ZNF534: variants seen among roughly 807,000 people sequenced by gnomAD.
ZNF534 encodes KRAB domain only 3.
Under a neutral mutation model 13.6 loss-of-function variants are expected in ZNF534, and 19 were observed. That is an observed-to-expected ratio of 1.40 (90% CI 0.97 to 2.05). ZNF534 has a LOEUF of 2.05. Ranked by LOEUF, ZNF534 falls within the 30% of genes most tolerant of loss-of-function variation. ZNF534 has a pLI of 0.00. For missense variants in ZNF534, 782 were observed against 796.3 expected, an observed-to-expected ratio of 0.98 and a Z score of 0.22; for synonymous variants, 244 against 273.8, an observed-to-expected ratio of 0.89 and a Z score of 1.07.
At position 52,437,961 on chromosome 19, in the gene ZNF534, T is replaced by C. The variant is rs764647757; in HGVS notation, c.501T>C (p.Phe167=). Residue 167 remains phenylalanine (F), a synonymous_variant, in exon 5 of 5, where the codon TTT becomes TTC. Transcript: ENST00000433050. ...THIFNNYRND[F]LFSTLLPQEQ... is the part of the protein sequence containing the mutation. ...TTTTTAATAACTACAGAAATGATTT[T>C]CTTTTTTCTACATTACTCCCACAAG... is the stretch of plus-strand genomic sequence containing the variant. 5 of 1,613,700 alleles carry C rather than the reference T, an allele frequency of 3.1e-6. No individual in the cohort carries two copies. The highest frequency in any genetic ancestry group is 4.2e-6 in the Non-Finnish European group (5 of 1,179,910).
downstream of ZNF534, among the ~76,000 whole-genome samples, chr19:52,443,573 A>T (rs1297811438): frequency 6.6e-6 from 1 of 152,126 alleles, no homozygotes; most frequent in Admixed American, 6.6e-5. Context: ...AATATGGCGA[A>T]ACCCCATCTA....
At chr19:52,451,415 C>T (rs1461476479) in exon 5 of ZNF534, 3 of 736,606 alleles carry the variant, frequency 4.1e-6, no homozygotes, top group Admixed American at 4.1e-5. Context: ...GCCGGGCCCG[C>T]CCCTCGGCCG....
In ZNF534 at chr19:52,437,720, T is replaced by C. The variant is rs1250060440; in HGVS notation, c.272-12T>C. The C allele has an allele frequency of 6.5e-7, 1 of 1,541,632 alleles. No homozygotes were observed. The highest frequency in any genetic ancestry group is 2.3e-5 in the East Asian group (1 of 44,054). The stretch of plus-strand genomic sequence containing the variant: ...ATCGGGATTAAGTTCTAAAATTTTC[T>C]TGCTTTTCTAGAGAAGAGTTCTAAA... On this transcript the variant is annotated splice_polypyrimidine_tract_variant and intron_variant, in intron 4 of 4. Coordinates refer to ENST00000433050, the MANE Select transcript of ZNF534 (RefSeq NM_001143938.3).
At chr19:52,451,240 G>T (rs1391084253) in exon 5 of ZNF534, 1 of 737,812 alleles carries the variant, frequency 1.4e-6, no homozygotes, top group Non-Finnish European at 2.5e-6. Flanking sequence ...AGCCTGGCGC[G>T]CGTCCGGAGG....
intron 2 of ZNF534, among the ~76,000 whole-genome samples, chr19:52,433,466 A>C (rs1037944836): frequency 4.6e-5 from 7 of 151,944 alleles, no homozygotes; most frequent in Non-Finnish European, 8.8e-5. Flanking sequence ...TCCTGGGTTC[A>C]CACCATTCTC....
At chr19:52,444,333 C>T (rs1183633095), downstream of ZNF534, among the ~76,000 whole-genome samples, 1 of 152,202 alleles carries the variant, frequency 6.6e-6, no homozygotes, top group African/African-American at 2.4e-5. Flanking sequence ...GTTGTCTGCA[C>T]AGAGTCCTGT....
chr19:52,438,170 C>G lies in ZNF534; in HGVS notation c.710C>G (p.Thr237Ser), dbSNP rs201134263. ...SNFAQHQRIHTGEKPYKYNEC... is the reference protein window; with the variant it reads ...SNFAQHQRIHSGEKPYKYNEC... ...TTTGCACAACATCAACGAATCCATACTGGAGAGAAGCCTTACAAATATAAT... is the reference window on the plus strand; with the variant it reads ...TTTGCACAACATCAACGAATCCATAGTGGAGAGAAGCCTTACAAATATAAT... Residue 237 changes from threonine to serine, a missense_variant, in exon 5 of 5, where the codon ACT becomes AGT. Around this residue, in one of 5 missense-constraint regions of ZNF534, gnomAD observed 591 missense variants for 574.0 expected, o/e 1.03. Transcript: ENST00000433050. 1.8e-4 allele frequency: 291 copies of G among 1,613,676 alleles called. 2 individuals carry two copies. Among genetic ancestry groups the G allele is most frequent in the Non-Finnish European group, 4.0e-5 (47 of 1,179,926 alleles).
At chr19:52,446,542 A>T (rs2059195207), downstream of ZNF534, among the ~76,000 whole-genome samples, 1 of 89,296 alleles carries the variant, frequency 1.1e-5, no homozygotes, top group African/African-American at 4.1e-5. Flanking sequence ...AAATTACCAT[A>T]AAGTGAGTGC....
chr19:52,432,930 C>T (rs1454366724), intron 2 of ZNF534, among the ~76,000 whole-genome samples: 1 of 151,946 alleles, frequency 6.6e-6, no homozygotes, highest in Non-Finnish European at 1.5e-5. Context: ...GCGCCCGGCC[C>T]AGATTTTGAC....
At position 52,438,610 on chromosome 19, in the gene ZNF534, T is replaced by C. The variant is rs2059147068; in HGVS notation, c.1150T>C (p.Cys384Arg). The C allele has an allele frequency of 1.3e-6, 2 of 1,589,704 alleles. No homozygotes were observed. The highest frequency in any genetic ancestry group is 2.3e-5 in the East Asian group (1 of 43,688). The change falls in exon 5 of 5, where the codon TGT becomes CGT. Residue 384 changes from cysteine (C) to arginine (R), a missense_variant. Cys to Arg is a radical substitution (Grantham distance 180). Around this residue, in one of 5 missense-constraint regions of ZNF534, gnomAD observed 591 missense variants for 574.0 expected, o/e 1.03. Transcript: ENST00000433050. The part of the protein sequence containing the change: ...KVHTGEKPYK[C>R]NECGKVFIGN... ...TCATACTGGAGAGAAACCTTACAAA[T>C]GTAATGAGTGTGGCAAGGTCTTTAT...
downstream of ZNF534, among the ~76,000 whole-genome samples, chr19:52,446,150 G>T (rs886921376): frequency 6.6e-6 from 1 of 152,158 alleles, no homozygotes; most frequent in Non-Finnish European, 1.5e-5. Context: ...GAAATCAAGT[G>T]TGTCTCCAGC....
In ZNF534 at chr19:52,433,987, A is replaced by T; in HGVS notation, c.48A>T (p.Glu16Asp). ...GQLSFSDVAI[E>D]FSQEEWKCLD... ...TGTCATTCAGCGATGTGGCCATAGAATTCTCTCAGGAGGAGTGGAAATGCC... is the reference window on the plus strand; with the variant it reads ...TGTCATTCAGCGATGTGGCCATAGATTTCTCTCAGGAGGAGTGGAAATGCC... Residue 16 changes from glutamate to aspartate, a missense_variant, in exon 3 of 5, where the codon GAA becomes GAT. By Grantham distance (45) the Glu-to-Asp change is conservative. Transcript: ENST00000433050. 1 of 1,614,140 alleles carries T rather than the reference A, an allele frequency of 6.2e-7. No individual in the cohort carries two copies. The highest frequency in any genetic ancestry group is 8.5e-7 in the Non-Finnish European group (1 of 1,180,004).
rs767392828 is a variant in ZNF534, at chr19:52,437,836, G to T, written c.376G>T (p.Val126Leu). The T allele has an allele frequency of 3.7e-6, 6 of 1,613,650 alleles. No homozygotes were observed. In the African/African-American group the frequency reaches 6.7e-5, roughly 18 times the overall value. The part of the protein sequence containing the change: ...HLTEWQPFQA[V>L]RNIYGCKHVE... The stretch of plus-strand genomic sequence containing the variant: ...GACTGAATGGCAGCCATTTCAAGCT[G>T]TAAGGAATATTTATGGATGTAAGCA... Residue 126 changes from valine to leucine, a missense_variant, in exon 5 of 5, where the codon GTA becomes TTA. By Grantham distance (32) the Val-to-Leu change is conservative (BLOSUM62 1). Transcript: ENST00000433050.
chr19:52,451,337 C>A, exon 5 of ZNF534: 1 of 1,084,212 alleles, frequency 9.2e-7, no homozygotes, highest in Non-Finnish European at 1.4e-6. Flanking sequence ...CCTTCCGTTT[C>A]TGCTTCGCTT....
chr19:52,437,084 TCTTTC>T (rs1195897227), intron 4 of ZNF534, among the ~76,000 whole-genome samples: 10 of 152,154 alleles, frequency 6.6e-5, no homozygotes, highest in African/African-American at 2.4e-4. Flanking sequence ...CTGGGATGTA[TCTTTC>T]CTGACTTTGT....
In ZNF534 at chr19:52,438,195, T is replaced by C. The variant is rs559435800; in HGVS notation, c.735T>C (p.Asn245=). The C allele has an allele frequency of 6.2e-7, 1 of 1,614,068 alleles. No individual in the cohort carries two copies. The highest frequency in any genetic ancestry group is 1.7e-5 in the Admixed American group (1 of 60,010). ...IHTGEKPYKY[N]ECGKVFNQNS... ...CTGGAGAGAAGCCTTACAAATATAA[T>C]GAATGTGGCAAAGTCTTCAATCAGA... The change falls in exon 5 of 5, where the codon AAT becomes AAC. Residue 245 remains asparagine (N), a synonymous_variant. Coordinates refer to ENST00000433050, the MANE Select transcript of ZNF534 (RefSeq NM_001143938.3).
At chr19:52,448,865 C>T (rs1024793766) in intron 4 of ZNF534, among the ~76,000 whole-genome samples, 5 of 152,252 alleles carry the variant, frequency 3.3e-5, no homozygotes, top group Non-Finnish European at 4.4e-5. Context: ...TTTCTCTTGA[C>T]GACCTTTCAA....
chr19:52,445,732 CAT>C, downstream of ZNF534, among the ~76,000 whole-genome samples: 1 of 14,894 alleles, frequency 6.7e-5, no homozygotes, highest in Non-Finnish European at 1.6e-4. Flanking sequence ...CTCTTGCAGT[CAT>C]TCTGGAGCAA....
At chr19:52,451,861 T>C in exon 5 of ZNF534, 2 of 751,740 alleles carry the variant, frequency 2.7e-6, no homozygotes, top group South Asian at 1.4e-5. Flanking sequence ...AACGGATTTT[T>C]TAATCCAGAA....
Sources: gnomAD v4.1 joint callset for allele counts (sites outside exome capture counted in the v4.1 genomes callset) on GRCh38, gnomAD v4.1.1 for gene constraint, gnomAD v4.1.1 regional missense constraint, MANE v1.5 for transcripts, NCBI Gene and HGNC (gene_info 2026-07-23, HGNC 2026-07-21) for gene names.